Variants in ZFHX3 observed in about 807,000 individuals in gnomAD.
ZFHX3 encodes zinc finger homeobox 3.
Under a neutral mutation model 279.1 loss-of-function variants are expected in ZFHX3, and 42 were observed. That is an observed-to-expected ratio of 0.15 (90% CI 0.12 to 0.19). ZFHX3 has a LOEUF of 0.19. Among genes scored for constraint, ZFHX3 ranks in the 10% least tolerant of loss-of-function variants. ZFHX3 has a pLI of 1.00. For missense variants in ZFHX3, 4,981 were observed against 4,754.0 expected (o/e 1.05, Z -1.40); for synonymous variants, 2,293 against 1,957.8 (o/e 1.17, Z -4.52).
chr16:73,302,744 G>T (rs1207885721), intron 4 of ZFHX3, among the ~76,000 whole-genome samples: 1 of 152,182 alleles, frequency 6.6e-6, no homozygotes, highest in Non-Finnish European at 1.5e-5. Flanking sequence ...AAGGCCGGTG[G>T]GTGACGATGA....
At chr16:73,707,138 G>A (rs753628953) in intron 1 of ZFHX3, among the ~76,000 whole-genome samples, 1 of 152,078 alleles carries the variant, frequency 6.6e-6, no homozygotes, top group African/African-American at 2.4e-5. Context: ...GAAGTCATCA[G>A]CCAATTTTTA....
intron 2 of ZFHX3, among the ~76,000 whole-genome samples, chr16:73,649,461 A>G (rs1454730500): frequency 6.6e-6 from 1 of 152,230 alleles, no homozygotes; most frequent in Admixed American, 6.5e-5. Flanking sequence ...GTGTATATGC[A>G]TAAAGAGTTT....
chr16:72,794,595 T>G lies in ZFHX3; in HGVS notation c.8087A>C (p.Glu2696Ala), dbSNP rs779519367. The part of the protein sequence containing the change: ...QVWFQNTRAR[E>A]RKGQFRAVGP... ...TACAGCCCGGAACTGTCCTTTCCTT[T>G]CCCGAGCTCGGGTGTTCTGAAACCA... Residue 2696 changes from glutamate (E) to alanine (A), a missense_variant, in exon 9 of 10, where the codon GAA becomes GCA. Physicochemically the swap from Glu to Ala is moderately radical, Grantham distance 107. Transcript: ENST00000268489. The surrounding 1 kb of genome is among the most constrained non-coding windows in gnomAD (Gnocchi z 4.2). 6.2e-7 allele frequency: 1 copy of G among 1,614,198 alleles called. No homozygotes were observed. The highest frequency in any genetic ancestry group is 8.5e-7 in the Non-Finnish European group (1 of 1,180,030).
chr16:73,593,861 A>C (rs1005000133), intron 2 of ZFHX3, among the ~76,000 whole-genome samples: 7 of 152,364 alleles, frequency 4.6e-5, no homozygotes, highest in Middle Eastern at 3.4e-3. Flanking sequence ...TATTCAACAT[A>C]AAAACTTTTA....
chr16:73,707,916 C>T (rs1178022652), intron 1 of ZFHX3, among the ~76,000 whole-genome samples: 1 of 152,080 alleles, frequency 6.6e-6, no homozygotes, highest in Admixed American at 6.5e-5. Flanking sequence ...GAGGCACACA[C>T]AGGAGATTTC....
chr16:73,648,166 G>C (rs924848222), intron 2 of ZFHX3, among the ~76,000 whole-genome samples: 8 of 152,110 alleles, frequency 5.3e-5, no homozygotes, highest in African/African-American at 1.9e-4. Flanking sequence ...AGAAACACTT[G>C]AGCAAATGTG....
At chr16:73,297,232 C>T (rs2014938962) in intron 4 of ZFHX3, among the ~76,000 whole-genome samples, 2 of 151,844 alleles carry the variant, frequency 1.3e-5, no homozygotes, top group African/African-American at 4.9e-5. Context: ...TTAAGAAAGG[C>T]TAAGTAATTG....
At chr16:73,215,192 A>G (rs1443862437) in intron 5 of ZFHX3, among the ~76,000 whole-genome samples, 1 of 152,246 alleles carries the variant, frequency 6.6e-6, no homozygotes, top group East Asian at 1.9e-4. Context: ...TGACAGCTCT[A>G]GAGAAGCCGA....
chr16:73,814,862 C>A (rs1351627456), intron 1 of ZFHX3, among the ~76,000 whole-genome samples: 1 of 152,150 alleles, frequency 6.6e-6, no homozygotes. Context: ...GCCTTTCACA[C>A]CCAGCCCACT....
chr16:72,896,253 C>A (rs769308426), intron 3 of ZFHX3, among the ~76,000 whole-genome samples: 1 of 152,154 alleles, frequency 6.6e-6, no homozygotes, highest in Non-Finnish European at 1.5e-5. Context: ...TTTTCTTGCA[C>A]CTCTTCCTAA....
intron 1 of ZFHX3, among the ~76,000 whole-genome samples, chr16:73,709,790 A>G (rs921890831): frequency 1.3e-5 from 2 of 152,210 alleles, no homozygotes; most frequent in Non-Finnish European, 2.9e-5. Flanking sequence ...CCCACACGAA[A>G]AAATGGTAAG....
chr16:73,481,031 A>T (rs577642742), intron 2 of ZFHX3, among the ~76,000 whole-genome samples: 1 of 152,296 alleles, frequency 6.6e-6, no homozygotes, highest in South Asian at 2.1e-4. Flanking sequence ...ATCTTTAAGA[A>T]CAAAGTCCTA....
intron 6 of ZFHX3, among the ~76,000 whole-genome samples, chr16:73,137,057 A>G (rs11644327): frequency 0.099 from 15,063 of 152,070 alleles, 740 homozygotes; most frequent in Middle Eastern, 0.13. Flanking sequence ...ACATTATGGA[A>G]CTGTCTTGAA....
intron 1 of ZFHX3, among the ~76,000 whole-genome samples, chr16:73,758,255 T>G (rs569213619): frequency 6.6e-6 from 1 of 151,798 alleles, no homozygotes; most frequent in South Asian, 2.1e-4. Context: ...CATTCATTCA[T>G]TCATTCAACA....
chr16:72,959,840 C>T lies in ZFHX3; in HGVS notation c.306G>A (p.Ala102=), dbSNP rs377327146. The T allele has an allele frequency of 3.6e-5, 57 of 1,594,370 alleles. No homozygotes were observed. The highest frequency in any genetic ancestry group is 4.5e-5 in the Non-Finnish European group (53 of 1,168,332). Residue 102 remains alanine, a synonymous_variant, in exon 2 of 10, where the codon GCG becomes GCA. Transcript: ENST00000268489. ...QTYMEHHCPS[A]RPPPPLREES... ...CCTCTCTCAGGGGTGGCGGGGGGCG[C>T]GCGCTGGGGCAGTGGTGCTCCATGT... is the stretch of plus-strand genomic sequence containing the variant.
chr16:73,602,852 CAGG>C (rs67737150), intron 2 of ZFHX3, among the ~76,000 whole-genome samples: 31,129 of 150,298 alleles, frequency 0.21, 5,264 homozygotes, highest in African/African-American at 0.47. Context: ...GAGGCTGAAG[CAGG>C]AGAATTGCTT....
intron 1 of ZFHX3, among the ~76,000 whole-genome samples, chr16:73,836,212 A>G (rs375352196): frequency 1.3e-5 from 2 of 152,174 alleles, no homozygotes; most frequent in Non-Finnish European, 2.9e-5. Flanking sequence ...CCCATTCCAC[A>G]TTGAACCCAA....
At chr16:73,176,031 G>T (rs553828049) in intron 5 of ZFHX3, among the ~76,000 whole-genome samples, 1 of 152,048 alleles carries the variant, frequency 6.6e-6, no homozygotes, top group Non-Finnish European at 1.5e-5. Context: ...CCACCTCGTC[G>T]GCTATGCCAA....
intron 2 of ZFHX3, among the ~76,000 whole-genome samples, chr16:73,542,400 A>G (rs1443274348): frequency 1.3e-5 from 2 of 152,090 alleles, no homozygotes; most frequent in Non-Finnish European, 2.9e-5. Context: ...TTTTTATACA[A>G]CTGAGCTAAA....
Sources: gnomAD v4.1 joint callset for allele counts (sites outside exome capture counted in the v4.1 genomes callset) on GRCh38, gnomAD v4.1.1 for gene constraint, Gnocchi (gnomAD v3.1) non-coding constraint, MANE v1.5 for transcripts, NCBI Gene and HGNC (gene_info 2026-07-23, HGNC 2026-07-21) for gene names.